The following CCSER1 variants were observed in gnomAD, a reference collection of about 807,000 sequenced individuals.
The protein encoded by CCSER1 is coiled-coil serine rich protein 1, also known as serine-rich coiled-coil domain-containing protein 1.
A neutral mutation model predicts 82.0 loss-of-function variants in CCSER1; 41 were observed. The observed-to-expected ratio is 0.50, with a 90% confidence interval of 0.39 to 0.65. The LOEUF (loss-of-function observed/expected upper bound fraction) is 0.65. CCSER1 is among the 30% of genes least tolerant of loss of function. The pLI is 0.00. For synonymous variants in CCSER1, 414 were observed against 383.9 expected (o/e 1.08, Z -0.92); for missense variants, 1,119 against 1,064.2 (o/e 1.05, Z -0.72).
intron 5 of CCSER1, among the ~76,000 whole-genome samples, chr4:90,516,714 C>T (rs530484561): frequency 2.0e-5 from 3 of 152,204 alleles, no homozygotes; most frequent in East Asian, 3.9e-4. Flanking sequence ...GAGTGTAGAG[C>T]GCAAGGTCAA....
intron 5 of CCSER1, among the ~76,000 whole-genome samples, chr4:90,479,009 GATTACAGGTGTGAGCC>G (rs1447804621): frequency 6.6e-6 from 1 of 152,000 alleles, no homozygotes; most frequent in Non-Finnish European, 1.5e-5. Context: ...AAAGTGCTAG[GATTACAGGTGTGAGCC>G]CCCACGCGGG....
At chr4:90,800,906 CAAAA>C (rs978316299) in intron 7 of CCSER1, among the ~76,000 whole-genome samples, 1 of 151,650 alleles carries the variant, frequency 6.6e-6, no homozygotes, top group East Asian at 1.9e-4. Flanking sequence ...TTGGATCAAA[CAAAA>C]AAATAAGGAA....
intron 9 of CCSER1, among the ~76,000 whole-genome samples, chr4:90,975,997 T>A (rs1229051343): frequency 6.6e-6 from 1 of 151,308 alleles, no homozygotes; most frequent in Admixed American, 6.6e-5. Context: ...TTATTAATTG[T>A]GTGACCTTAA....
intron 1 of CCSER1, among the ~76,000 whole-genome samples, chr4:90,259,568 T>C (rs1318347487): frequency 6.6e-6 from 1 of 152,098 alleles, no homozygotes; most frequent in African/African-American, 2.4e-5. Context: ...GGGGAAATGC[T>C]TTTAGCTAAG....
At chr4:90,654,146 C>T (rs1030604470) in intron 6 of CCSER1, among the ~76,000 whole-genome samples, 2 of 152,076 alleles carry the variant, frequency 1.3e-5, no homozygotes, top group African/African-American at 4.8e-5. Flanking sequence ...TGGGTGGGGA[C>T]ATAAATCCAG....
chr4:90,500,808 C>T (rs532573756), intron 5 of CCSER1, among the ~76,000 whole-genome samples: 13 of 151,992 alleles, frequency 8.6e-5, no homozygotes, highest in African/African-American at 2.4e-4. Context: ...TATGTGATTT[C>T]GAAATTATGC....
chr4:90,780,002 A>T (rs1259567529), intron 7 of CCSER1, among the ~76,000 whole-genome samples: 1 of 152,192 alleles, frequency 6.6e-6, no homozygotes, highest in South Asian at 2.1e-4. Context: ...TGCTGAATTA[A>T]CCGAGCCTGG....
intron 1 of CCSER1, among the ~76,000 whole-genome samples, chr4:90,143,483 T>TACACACACAC (rs1331230610): frequency 1.0e-4 from 8 of 78,284 alleles, no homozygotes; most frequent in East Asian, 5.1e-4. Flanking sequence ...TCCTAGCAAG[T>TACACACACAC]ACACACATAC....
At chr4:90,147,870 T>C (rs897240514) in intron 1 of CCSER1, among the ~76,000 whole-genome samples, 1 of 152,152 alleles carries the variant, frequency 6.6e-6, no homozygotes, top group Admixed American at 6.6e-5. Flanking sequence ...ACAATTTAAA[T>C]AATTTTATAA....
chr4:91,360,939 G>T (rs1175901462), intron 10 of CCSER1, among the ~76,000 whole-genome samples: 1 of 151,842 alleles, frequency 6.6e-6, no homozygotes, highest in African/African-American at 2.4e-5. Flanking sequence ...GACTGATTTA[G>T]ACAGTGTAGT....
chr4:90,937,386 C>T (rs1731071438), intron 9 of CCSER1, among the ~76,000 whole-genome samples: 1 of 152,008 alleles, frequency 6.6e-6, no homozygotes, highest in African/African-American at 2.4e-5. Flanking sequence ...TGTCATGTTA[C>T]ACATTCTAAT....
rs76350532 is a variant in CCSER1, at chr4:91,383,803, A to T, written c.2218-214769A>T. ...GAATATAGCCTGAATATTTATTTTT[A>T]TTACATTACACAGAATTGTTGACAT... is the stretch of plus-strand genomic sequence containing the variant. On this transcript the variant is annotated intron_variant, in intron 10 of 10. Transcript: ENST00000509176. Among the ~76,000 whole-genome samples the T allele has an allele frequency of 9.3e-3, 1,409 of 152,302 alleles. 21 individuals carry two copies. The highest frequency in any genetic ancestry group is 0.032 in the African/African-American group (1,336 of 41,570).
rs577733998 is a variant in CCSER1 at position 90,409,742 on chromosome 4, C to A, written c.1603+9613C>A. ...ATCAACTAAAGAGCAAAATAAGCAGCTAACATCATAATGACAGGATCAAAT... is the reference window on the plus strand; with the variant it reads ...ATCAACTAAAGAGCAAAATAAGCAGATAACATCATAATGACAGGATCAAAT... On this transcript the variant is annotated intron_variant, in intron 4 of 10. Coordinates refer to ENST00000509176, the MANE Select transcript of CCSER1 (RefSeq NM_001145065.2). Among the ~76,000 whole-genome samples the A allele has an allele frequency of 5.9e-5, 9 of 152,296 alleles. No individual in the cohort carries two copies. In the South Asian group the frequency reaches 1.9e-3, roughly 32 times the overall value.
At chr4:90,178,781 A>C (rs921815387) in intron 1 of CCSER1, among the ~76,000 whole-genome samples, 47 of 152,290 alleles carry the variant, frequency 3.1e-4, no homozygotes, top group African/African-American at 1.1e-3. Flanking sequence ...TTTTGCTCCT[A>C]AGGCGAGAAG....
chr4:90,493,856 G>C (rs1314416344), intron 5 of CCSER1, among the ~76,000 whole-genome samples: 1 of 152,122 alleles, frequency 6.6e-6, no homozygotes, highest in Non-Finnish European at 1.5e-5. Flanking sequence ...AACTGCCTCA[G>C]CTAATGAGCA....
In CCSER1 at chr4:91,598,893, A is replaced by G. The variant is rs1442213489; in HGVS notation, c.2539A>G (p.Lys847Glu). The G allele has an allele frequency of 2.6e-5, 41 of 1,551,504 alleles. No homozygotes were observed. The highest frequency in any genetic ancestry group is 3.1e-5 in the Non-Finnish European group (36 of 1,146,936). The change falls in exon 11 of 11, where the codon AAG becomes GAG. Residue 847 changes from lysine (K) to glutamate (E), a missense_variant. Physicochemically the swap from Lys to Glu is moderately conservative, Grantham distance 56. Coordinates refer to ENST00000509176, the MANE Select transcript of CCSER1 (RefSeq NM_001145065.2). ...EGLSTFLEKP[K>E]DQVATARQHS... ...GCTCTCCACGTTCTTAGAGAAACCAAAGGACCAAGTTGCTACGGCCCGACA... is the reference window on the plus strand; with the variant it reads ...GCTCTCCACGTTCTTAGAGAAACCAGAGGACCAAGTTGCTACGGCCCGACA...
intron 10 of CCSER1, among the ~76,000 whole-genome samples, chr4:91,294,278 T>G (rs1401759518): frequency 3.3e-5 from 5 of 152,006 alleles, no homozygotes; most frequent in African/African-American, 7.2e-5. Context: ...TGTGCAAACT[T>G]GTACAAATTA....
At chr4:90,324,640 A>G (rs1737800183) in intron 3 of CCSER1, among the ~76,000 whole-genome samples, 1 of 150,138 alleles carries the variant, frequency 6.7e-6, no homozygotes, top group Non-Finnish European at 1.5e-5. Context: ...CTCTGATGGT[A>G]GTTTCTTTTG....
chr4:90,152,342 A>G (rs1184956056), intron 1 of CCSER1, among the ~76,000 whole-genome samples: 1 of 152,118 alleles, frequency 6.6e-6, no homozygotes, highest in Non-Finnish European at 1.5e-5. Flanking sequence ...GTAGGTTAAA[A>G]ATTTGCCCTT....
Sources: gnomAD v4.1 joint callset for allele counts (sites outside exome capture counted in the v4.1 genomes callset) on GRCh38, gnomAD v4.1.1 for gene constraint, MANE v1.5 for transcripts, NCBI Gene and HGNC (gene_info 2026-07-23, HGNC 2026-07-21) for gene names.